FHIT: variants seen among roughly 807,000 people sequenced by gnomAD.
FHIT encodes bis(5'-adenosyl)-triphosphatase.
FHIT carries 19 observed loss-of-function variants against 17.9 expected under a neutral mutation model. The observed-to-expected ratio is 1.06, with a 90% CI of 0.74 to 1.56. The LOEUF (loss-of-function observed/expected upper bound fraction) is 1.56. FHIT is among the 40% of genes most tolerant of loss of function. The pLI is 0.00. For synonymous variants in FHIT, 81 were observed against 69.7 expected, an observed-to-expected ratio of 1.16 and a Z score of -0.81; for missense variants, 248 against 189.2, an observed-to-expected ratio of 1.31 and a Z score of -1.82.
At chr3:61,096,379 C>T (rs945684514) in intron 2 of FHIT, among the ~76,000 whole-genome samples, 1 of 152,156 alleles carries the variant, frequency 6.6e-6, no homozygotes, top group Non-Finnish European at 1.5e-5. Flanking sequence ...GTCAGTGGTC[C>T]TAAGGACCAA....
chr3:61,114,297 C>T (rs551272486), intron 2 of FHIT, among the ~76,000 whole-genome samples: 27 of 152,256 alleles, frequency 1.8e-4, no homozygotes, highest in African/African-American at 6.0e-4. Context: ...AAGGAGAAAA[C>T]AAATGTGCAT....
chr3:60,549,280 G>A (rs2036469252), intron 4 of FHIT, among the ~76,000 whole-genome samples: 1 of 152,092 alleles, frequency 6.6e-6, no homozygotes, highest in Non-Finnish European at 1.5e-5. Flanking sequence ...CATATTAGAG[G>A]TAGAGCAGTG....
chr3:60,358,409 T>C (rs1699763394), intron 5 of FHIT, among the ~76,000 whole-genome samples: 2 of 152,048 alleles, frequency 1.3e-5, no homozygotes, highest in South Asian at 2.1e-4. Context: ...TGAAGGAAGA[T>C]GAGGAAGAAA....
chr3:60,350,113 C>T (rs867037889), intron 5 of FHIT, among the ~76,000 whole-genome samples: 1 of 152,190 alleles, frequency 6.6e-6, no homozygotes, highest in South Asian at 2.1e-4. Context: ...ACAGTACACA[C>T]TCCCATACCT....
In FHIT at chr3:61,147,034, C is replaced by T. The variant is rs1301031761; in HGVS notation, c.-164+53583G>A. Among the ~76,000 whole-genome samples, 7 of 152,004 alleles carry T rather than the reference C, an allele frequency of 4.6e-5. No homozygotes were observed. In the East Asian group the frequency reaches 9.6e-4, roughly 21 times the overall value. ...ATAAATCCCATACTGACAGCTGCCT[C>T]TAATAAAGATGCTTCCAACAAAACT... is the stretch of plus-strand genomic sequence containing the variant. On this transcript the variant is annotated intron_variant, in intron 2 of 9. Coordinates refer to ENST00000492590, the MANE Select transcript of FHIT (RefSeq NM_002012.4).
At chr3:60,003,795 AC>A in intron 7 of FHIT, among the ~76,000 whole-genome samples, 1 of 151,934 alleles carries the variant, frequency 6.6e-6, no homozygotes. Flanking sequence ...TGAATTGGCC[AC>A]TAATATTTAA....
At chr3:60,132,040 C>A (rs1238459275) in intron 5 of FHIT, among the ~76,000 whole-genome samples, 1 of 152,138 alleles carries the variant, frequency 6.6e-6, no homozygotes, top group African/African-American at 2.4e-5. Context: ...TACCCTGGCT[C>A]CTTGATTTGG....
intron 3 of FHIT, among the ~76,000 whole-genome samples, chr3:61,037,866 A>G (rs1451270734): frequency 6.6e-6 from 1 of 152,214 alleles, no homozygotes; most frequent in East Asian, 1.9e-4. Flanking sequence ...TAAGTTACCC[A>G]GTCTCACATA....
intron 3 of FHIT, among the ~76,000 whole-genome samples, chr3:60,924,965 G>A (rs527833878): frequency 7.9e-5 from 12 of 152,236 alleles, no homozygotes; most frequent in African/African-American, 2.6e-4. Context: ...ATCAGTGATG[G>A]AAGATCAAAT....
At chr3:60,472,561 G>A (rs2033142817) in intron 5 of FHIT, among the ~76,000 whole-genome samples, 2 of 152,040 alleles carry the variant, frequency 1.3e-5, no homozygotes, top group South Asian at 4.2e-4. Context: ...AGTAGAGACA[G>A]GGTTTCATCA....
chr3:60,668,741 A>G (rs970886384), intron 4 of FHIT, among the ~76,000 whole-genome samples: 1 of 151,564 alleles, frequency 6.6e-6, no homozygotes, highest in East Asian at 1.9e-4. Context: ...TTGTTTTTGT[A>G]TTTTTAGTAG....
chr3:60,823,003 T>G (rs1553739825), intron 3 of FHIT, among the ~76,000 whole-genome samples: 1 of 152,232 alleles, frequency 6.6e-6, no homozygotes, highest in Non-Finnish European at 1.5e-5. Flanking sequence ...TTTTTTAATC[T>G]AATAATCTTG....
intron 4 of FHIT, among the ~76,000 whole-genome samples, chr3:60,800,442 T>C (rs1701147948): frequency 6.6e-6 from 1 of 152,172 alleles, no homozygotes; most frequent in East Asian, 1.9e-4. Flanking sequence ...AGCCTTAGCC[T>C]GTGTTCCCCA....
At chr3:61,016,103 T>A (rs894058369) in intron 3 of FHIT, among the ~76,000 whole-genome samples, 2 of 152,232 alleles carry the variant, frequency 1.3e-5, no homozygotes, top group African/African-American at 4.8e-5. Flanking sequence ...TGTGTTTTCA[T>A]AAAAGTTGTA....
At chr3:61,172,181 A>G (rs1010396587) in intron 2 of FHIT, among the ~76,000 whole-genome samples, 1 of 152,234 alleles carries the variant, frequency 6.6e-6, no homozygotes, top group Admixed American at 6.5e-5. Flanking sequence ...AATTATATAT[A>G]TAGTATATGT....
intron 2 of FHIT, among the ~76,000 whole-genome samples, chr3:61,061,009 T>G (rs774872448): frequency 6.6e-6 from 1 of 152,224 alleles, no homozygotes; most frequent in Admixed American, 6.5e-5. Flanking sequence ...TCCTTGAGCA[T>G]GTCTTCCCAT....
At chr3:60,842,775 T>G (rs1364613112) in intron 3 of FHIT, among the ~76,000 whole-genome samples, 1 of 151,624 alleles carries the variant, frequency 6.6e-6, no homozygotes, top group African/African-American at 2.4e-5. Context: ...AATCATTAGC[T>G]TAAGCTATCC....
intron 5 of FHIT, among the ~76,000 whole-genome samples, chr3:60,242,031 C>G (rs1371691952): frequency 6.6e-6 from 1 of 151,972 alleles, no homozygotes; most frequent in African/African-American, 2.4e-5. Flanking sequence ...ACAATGCAAT[C>G]ATTATAAAAA....
intron 2 of FHIT, among the ~76,000 whole-genome samples, chr3:61,194,114 G>A (rs764758544): frequency 6.6e-5 from 10 of 152,064 alleles, no homozygotes; most frequent in African/African-American, 1.2e-4. Flanking sequence ...TCTGTGTAAC[G>A]TTCTTTCTTC....
Sources: gnomAD v4.1 joint callset for allele counts (sites outside exome capture counted in the v4.1 genomes callset) on GRCh38, gnomAD v4.1.1 for gene constraint, MANE v1.5 for transcripts, NCBI Gene and HGNC (gene_info 2026-07-23, HGNC 2026-07-21) for gene names.